The following GLCE variants were observed in gnomAD, a reference collection of about 807,000 sequenced individuals.
GLCE encodes the protein glucuronic acid epimerase.
GLCE carries 19 observed loss-of-function variants against 47.9 expected under a neutral mutation model. That is an observed-to-expected ratio of 0.40 (90% confidence interval 0.28 to 0.58). The LOEUF (loss-of-function observed/expected upper bound fraction) is 0.58. Ranked by LOEUF, GLCE falls within the 20% of genes least tolerant of loss-of-function variation. GLCE has a pLI of 0.48. For missense variants in GLCE, 556 were observed against 743.3 expected, an observed-to-expected ratio of 0.75 and a Z score of 2.93; for synonymous variants, 245 against 263.4, an observed-to-expected ratio of 0.93 and a Z score of 0.68.
intron 1 of GLCE, among the ~76,000 whole-genome samples, chr15:69,201,251 CT>C (rs775896497): frequency 7.2e-4 from 109 of 152,198 alleles, no homozygotes; most frequent in Non-Finnish European, 1.1e-3. Flanking sequence ...GGTTCCAGTG[CT>C]TAAGGGCACA....
At chr15:69,232,489 G>A (rs902094339) in intron 2 of GLCE, among the ~76,000 whole-genome samples, 1 of 151,990 alleles carries the variant, frequency 6.6e-6, no homozygotes, top group Non-Finnish European at 1.5e-5. Context: ...TAATATGTCC[G>A]TATGTTCTTA....
At position 69,243,057 on chromosome 15, in the gene GLCE, C is replaced by CAAA. The variant is rs547412078; in HGVS notation, c.-13-12720_-13-12718dup. Reference sequence around the variant, plus strand: ...GGGTGACAGAGTGAGAGATCCTGTCCAAAAAAAAAAAAAAAAAAAGAAAGA... The same window carrying CAAA: ...GGGTGACAGAGTGAGAGATCCTGTCCAAAAAAAAAAAAAAAAAAAAAAGAAAGA... On this transcript the variant is annotated intron_variant, in intron 2 of 4. Coordinates refer to ENST00000261858, the MANE Select transcript of GLCE (RefSeq NM_015554.3). Among the ~76,000 whole-genome samples, 104 of 42,260 alleles carry CAAA rather than the reference C, an allele frequency of 2.5e-3. 1 individual carries two copies. Among genetic ancestry groups the CAAA allele is most frequent in the African/African-American group, 7.5e-3 (99 of 13,226 alleles). The allele number at this position is 42,260 out of a possible 152,430, so 27.7% of individuals were successfully genotyped here.
intron 1 of GLCE, among the ~76,000 whole-genome samples, chr15:69,197,679 A>G (rs2052014081): frequency 6.6e-6 from 1 of 152,148 alleles, no homozygotes; most frequent in Non-Finnish European, 1.5e-5. Context: ...ACCTTAAATA[A>G]GTGCAAGTTG....
At chr15:69,172,729 G>A (rs935429872) in intron 1 of GLCE, among the ~76,000 whole-genome samples, 1 of 152,188 alleles carries the variant, frequency 6.6e-6, no homozygotes, top group Non-Finnish European at 1.5e-5. Flanking sequence ...TACATTCTTA[G>A]TGGTGTGCCT....
At chr15:69,213,685 A>C (rs114046775) in intron 2 of GLCE, among the ~76,000 whole-genome samples, 1,760 of 152,264 alleles carry the variant, frequency 0.012, 26 homozygotes, top group African/African-American at 0.038. Context: ...TGAGGCTTCA[A>C]AAATATCTTG....
chr15:69,180,648 A>G (rs77493506), intron 1 of GLCE, among the ~76,000 whole-genome samples: 2 of 152,318 alleles, frequency 1.3e-5, no homozygotes, highest in East Asian at 3.9e-4. Flanking sequence ...CGGTATTTAC[A>G]TTTGAAGAAG....
At chr15:69,183,087 T>G (rs2051773636) in intron 1 of GLCE, among the ~76,000 whole-genome samples, 1 of 151,972 alleles carries the variant, frequency 6.6e-6, no homozygotes. Flanking sequence ...TGGGAATGAG[T>G]ATAAAATAGG....
intron 1 of GLCE, among the ~76,000 whole-genome samples, chr15:69,208,038 C>G (rs932152269): frequency 7.2e-5 from 11 of 151,944 alleles, no homozygotes; most frequent in African/African-American, 2.7e-4. Flanking sequence ...ATTTGTTGGA[C>G]AGAAGTCCTT....
intron 1 of GLCE, among the ~76,000 whole-genome samples, chr15:69,162,008 GTCGGATAGTGCAGGGA>G (rs1427473363): frequency 6.6e-6 from 1 of 152,208 alleles, no homozygotes; most frequent in Admixed American, 6.5e-5. Context: ...GTTAGGCAGA[GTCGGATAGTGCAGGGA>G]AGCGTGTTCT....
chr15:69,188,244 AAAAAC>A (rs775794117), intron 1 of GLCE, among the ~76,000 whole-genome samples: 13 of 152,182 alleles, frequency 8.5e-5, no homozygotes, highest in Non-Finnish European at 1.6e-4. Flanking sequence ...AACAAAAACA[AAAAAC>A]AAAACAAAAC....
intron 2 of GLCE, among the ~76,000 whole-genome samples, chr15:69,239,480 T>G (rs2052636476): frequency 6.6e-6 from 1 of 152,194 alleles, no homozygotes; most frequent in South Asian, 2.1e-4. Flanking sequence ...TTCTGGTGTC[T>G]GTTACTAATA....
chr15:69,241,094 T>C (rs1355772825), intron 2 of GLCE, among the ~76,000 whole-genome samples: 2 of 152,168 alleles, frequency 1.3e-5, no homozygotes, highest in Non-Finnish European at 2.9e-5. Flanking sequence ...ATCATGATCA[T>C]CAGGCATCCA....
At chr15:69,215,981 TCTGA>T (rs1488491116) in intron 2 of GLCE, among the ~76,000 whole-genome samples, 2 of 152,210 alleles carry the variant, frequency 1.3e-5, no homozygotes, top group South Asian at 2.1e-4. Context: ...TGTTATTATC[TCTGA>T]CTATTTAGCT....
At chr15:69,184,474 A>T (rs1269039802) in intron 1 of GLCE, among the ~76,000 whole-genome samples, 2 of 152,238 alleles carry the variant, frequency 1.3e-5, no homozygotes, top group Non-Finnish European at 2.9e-5. Flanking sequence ...CCACTAATAG[A>T]ATAACAGTGT....
At chr15:69,198,725 T>C (rs1319083649) in intron 1 of GLCE, among the ~76,000 whole-genome samples, 2 of 152,180 alleles carry the variant, frequency 1.3e-5, no homozygotes, top group Non-Finnish European at 2.9e-5. Context: ...ATATTTTCTT[T>C]ATTTTTTAAA....
intron 2 of GLCE, among the ~76,000 whole-genome samples, chr15:69,235,366 C>A (rs548849663): frequency 3.4e-4 from 49 of 144,234 alleles, no homozygotes; most frequent in Admixed American, 1.0e-3. Flanking sequence ...CCTCAGCCTC[C>A]CAAAGTGCTG....
At position 69,256,098 on chromosome 15, in the gene GLCE, A is replaced by C; in HGVS notation, c.292A>C (p.Lys98Gln). ...GGGCTTCAATAGCAATGTGGGAAGT[A>C]AGGTGTTAGGGCTCAAATATGAAGA... ...VGGFNSNVGS[K>Q]VLGLKYEEID... The change falls in exon 3 of 5, where the codon AAG becomes CAG. Residue 98 changes from lysine (K) to glutamine (Q), a missense_variant. Lys to Gln is a moderately conservative substitution (Grantham distance 53). Transcript: ENST00000261858. 1 of 1,614,154 alleles carries C rather than the reference A, an allele frequency of 6.2e-7. No homozygotes were observed. Among genetic ancestry groups the C allele is most frequent in the Non-Finnish European group, 8.5e-7 (1 of 1,180,020 alleles).
chr15:69,204,924 G>A (rs1056859326), intron 1 of GLCE, among the ~76,000 whole-genome samples: 2 of 151,988 alleles, frequency 1.3e-5, no homozygotes, highest in African/African-American at 4.8e-5. Context: ...TAAACAAGAG[G>A]ATTTTTACAG....
chr15:69,221,004 G>A (rs1170657237), intron 2 of GLCE, among the ~76,000 whole-genome samples: 1 of 152,158 alleles, frequency 6.6e-6, no homozygotes, highest in East Asian at 1.9e-4. Flanking sequence ...AACACCATTT[G>A]TTGAAAAGAC....
Sources: gnomAD v4.1 joint callset for allele counts (sites outside exome capture counted in the v4.1 genomes callset) on GRCh38, gnomAD v4.1.1 for gene constraint, MANE v1.5 for transcripts, NCBI Gene and HGNC (gene_info 2026-07-23, HGNC 2026-07-21) for gene names.